The following FAM210B variants were observed in gnomAD, a reference collection of about 807,000 sequenced individuals.
FAM210B encodes mitochondrial inner membrane scaffold 2.
In FAM210B, 11 loss-of-function variants were observed where a neutral mutation model predicts 14.9. That is an observed-to-expected ratio of 0.74 (90% CI 0.46 to 1.22). The LOEUF is 1.22. FAM210B is among the 50% of genes most tolerant of loss of function. The probability of loss-of-function intolerance (pLI) is 0.00; values close to 1 mark genes in which losing one functional copy is unlikely to be tolerated. For missense variants in FAM210B, 229 were observed against 250.1 expected (o/e 0.92, Z 0.57); for synonymous variants, 113 against 110.2 (o/e 1.03, Z -0.16).
At chr20:56,364,991 G>A (rs1983600501) in intron 1 of FAM210B, 96 bp from the exon 2 acceptor site, 2 of 1,186,718 alleles carry the variant, frequency 1.7e-6, no homozygotes, top group African/African-American at 1.5e-5. Context: ...CTCTCATCCA[G>A]CAGGAAAGAG....
chr20:56,365,802 C>T (rs184020497), intron 2 of FAM210B, among the ~76,000 whole-genome samples: 111 of 152,006 alleles, frequency 7.3e-4, no homozygotes, highest in African/African-American at 2.6e-3. Context: ...CGCGTCAGGC[C>T]GATTGTATGT....
Position 56,366,369 on chromosome 20 carries a change from AG to A in FAM210B, c.*85del. 7.0e-7 allele frequency: 1 copy of A among 1,427,368 alleles called. No individual in the cohort carries two copies. Among genetic ancestry groups the A allele is most frequent in the Non-Finnish European group, 9.7e-7 (1 of 1,031,022 alleles). 88.4% of individuals were successfully genotyped at this position (1,427,368 alleles called of 1,614,324 possible). A position where few individuals can be genotyped will look rare whatever the true frequency, so the allele number is the denominator to read the frequency against. Reference sequence around the variant, plus strand: ...ATTGGTTTTAGGGTTTTAGGGTTGTAGGGTTTCTTTTGGAGAGGTAGGGGGC... The same window carrying A: ...ATTGGTTTTAGGGTTTTAGGGTTGTAGGTTTCTTTTGGAGAGGTAGGGGGC... On this transcript the variant is annotated 3_prime_UTR_variant, in exon 3 of 3. Coordinates refer to ENST00000371384, the MANE Select transcript of FAM210B (RefSeq NM_080821.3).
chr20:56,364,772 G>T (rs1303675711), intron 1 of FAM210B, among the ~76,000 whole-genome samples: 2 of 152,164 alleles, frequency 1.3e-5, no homozygotes, highest in Non-Finnish European at 2.9e-5. Flanking sequence ...GGCTAACACA[G>T]TGAAACCCCA....
In FAM210B at chr20:56,367,538, C is replaced by G. The variant is rs547492673; in HGVS notation, c.*1251C>G. The G allele has an allele frequency of 2.6e-5, 4 of 152,470 alleles. No individual in the cohort carries two copies. The East Asian group carries it at 7.7e-4, about 29-fold the overall frequency. The allele number at this position is 152,470 out of a possible 1,614,324, so 9.4% of individuals were successfully genotyped here. Reference sequence around the variant, plus strand: ...CCTGTAGTCCCAGCTACTGGGGAGGCTGAGGCAGCATTGCTTGAACCCAGG... The same window carrying G: ...CCTGTAGTCCCAGCTACTGGGGAGGGTGAGGCAGCATTGCTTGAACCCAGG... On this transcript the variant is annotated 3_prime_UTR_variant, in exon 3 of 3. Transcript: ENST00000371384.
At position 56,359,139 on chromosome 20, in the gene FAM210B, GGCTAGACGCCCGGCT is replaced by G. The variant is rs1983481449; in HGVS notation, c.138_152del (p.Asp47_Leu51del). Reference sequence around the variant, plus strand: ...CTGGCCCTGGCCCTGCTCCCGCCCAGGCTAGACGCCCGGCTGCTCCGCACGGCGCGCGGGGACTGC... The same window carrying G: ...CTGGCCCTGGCCCTGCTCCCGCCCAGGCTCCGCACGGCGCGCGGGGACTGC... On this transcript the variant is annotated inframe_deletion, in exon 1 of 3. Transcript: ENST00000371384. This position sits in a 1 kb window ranked among gnomAD's most constrained non-coding sequence, Gnocchi z 4.3. 7.1e-6 allele frequency: 9 copies of G among 1,266,604 alleles called. No individual in the cohort carries two copies. Among genetic ancestry groups the G allele is most frequent in the Non-Finnish European group, 8.9e-6 (9 of 1,012,988 alleles). 78.5% of individuals were successfully genotyped at this position (1,266,604 alleles called of 1,614,324 possible).
chr20:56,362,398 A>ACGCCGT lies in FAM210B; in HGVS notation c.187-2687_187-2682dup, dbSNP rs1163285511. Among the ~76,000 whole-genome samples, 1 of 152,156 alleles carries ACGCCGT rather than the reference A, an allele frequency of 6.6e-6. No individual in the cohort carries two copies. The highest frequency in any genetic ancestry group is 1.9e-4 in the East Asian group (1 of 5,198). On this transcript the variant is annotated intron_variant, in intron 1 of 2. Coordinates refer to ENST00000371384, the MANE Select transcript of FAM210B (RefSeq NM_080821.3). This position sits in a 1 kb window ranked among gnomAD's most constrained non-coding sequence, Gnocchi z 4.8. Reference sequence around the variant, plus strand: ...GCTGAGTACAGACAGAAGATGTGTCACGCCGTCCTGTGCATTCAGGACAGT... The same window carrying ACGCCGT: ...GCTGAGTACAGACAGAAGATGTGTCACGCCGTCGCCGTCCTGTGCATTCAGGACAGT...
intron 1 of FAM210B, among the ~76,000 whole-genome samples, chr20:56,361,151 G>A (rs999068714): frequency 3.3e-5 from 5 of 152,178 alleles, no homozygotes; most frequent in Non-Finnish European, 5.9e-5. Flanking sequence ...GACGTAGGGG[G>A]AGTTCAGGCA....
chr20:56,361,286 G>T (rs1312364856), intron 1 of FAM210B, among the ~76,000 whole-genome samples: 2 of 152,058 alleles, frequency 1.3e-5, no homozygotes, highest in Non-Finnish European at 2.9e-5. Context: ...CCTGTCTCCC[G>T]CCCCATTGGT....
chr20:56,362,850 C>T lies in FAM210B; in HGVS notation c.187-2237C>T, dbSNP rs1024321548. Among the ~76,000 whole-genome samples, 8 of 152,240 alleles carry T rather than the reference C, an allele frequency of 5.3e-5. No homozygotes were observed. The highest frequency in any genetic ancestry group is 1.7e-4 in the African/African-American group (7 of 41,464). On this transcript the variant is annotated intron_variant, in intron 1 of 2. Coordinates refer to ENST00000371384, the MANE Select transcript of FAM210B (RefSeq NM_080821.3). The surrounding 1 kb of genome is among the most constrained non-coding windows in gnomAD (Gnocchi z 4.8). ...GGGCCCTCGCAGAGACAGCTGCAGTCGGTCCAGTGATTGGACAGAATGGGG... is the reference window on the plus strand; with the variant it reads ...GGGCCCTCGCAGAGACAGCTGCAGTTGGTCCAGTGATTGGACAGAATGGGG...
chr20:56,361,716 C>T (rs1983535905), intron 1 of FAM210B, among the ~76,000 whole-genome samples: 1 of 152,180 alleles, frequency 6.6e-6, no homozygotes, highest in African/African-American at 2.4e-5. Flanking sequence ...GTGGCTCACG[C>T]CTGTAATCCC....
rs774302500 is a variant in FAM210B at position 56,363,652 on chromosome 20, A to G, written c.187-1435A>G. ...CTCCCCTAATGTGGGTGAGGTTGGT[A>G]TTTTTGTTTCTCCCACACATTCCAG... On this transcript the variant is annotated intron_variant, in intron 1 of 2. Coordinates refer to ENST00000371384, the MANE Select transcript of FAM210B (RefSeq NM_080821.3). This position sits in a 1 kb window ranked among gnomAD's most constrained non-coding sequence, Gnocchi z 4.1. Among the ~76,000 whole-genome samples the G allele has an allele frequency of 6.6e-6, 1 of 151,930 alleles. No individual in the cohort carries two copies.
In FAM210B at chr20:56,366,078, G is replaced by A. The variant is rs1983628182; in HGVS notation, c.370G>A (p.Asp124Asn). 2 of 1,613,884 alleles carry A rather than the reference G, an allele frequency of 1.2e-6. No homozygotes were observed. Among genetic ancestry groups the A allele is most frequent in the Non-Finnish European group, 1.7e-6 (2 of 1,179,848 alleles). Residue 124 changes from aspartate (D) to asparagine (N), a missense_variant, in exon 3 of 3, where the codon GAC becomes AAC. Physicochemically the swap from Asp to Asn is conservative, Grantham distance 23. Around this residue, in one of 3 missense-constraint regions of FAM210B, gnomAD observed 32 missense variants for 62.2 expected, o/e 0.51. Coordinates refer to ENST00000371384, the MANE Select transcript of FAM210B (RefSeq NM_080821.3). ...TTGCTTCTTCCCCCCTAGTGGTGTG[G>A]ACATGCCTGCAATCCTGCTGAAACT... Reference protein sequence around the residue: ...IFYMVVSSGVDMPAILLKLGF... With the variant: ...IFYMVVSSGVNMPAILLKLGF...
In FAM210B at chr20:56,363,240, T is replaced by G. The variant is rs1361235600; in HGVS notation, c.187-1847T>G. On this transcript the variant is annotated intron_variant, in intron 1 of 2. Coordinates refer to ENST00000371384, the MANE Select transcript of FAM210B (RefSeq NM_080821.3). The surrounding 1 kb of genome is among the most constrained non-coding windows in gnomAD (Gnocchi z 4.1). ...GAGTACCACAGAGGCTGAGGCCTGG[T>G]GGTCACCAGCCCAGTCACCAGTCCA... Among the ~76,000 whole-genome samples, 3 of 152,176 alleles carry G rather than the reference T, an allele frequency of 2.0e-5. No homozygotes were observed. The highest frequency in any genetic ancestry group is 7.2e-5 in the African/African-American group (3 of 41,430).
At position 56,359,117 on chromosome 20, in the gene FAM210B, G is replaced by T. The variant is rs1315892794; in HGVS notation, c.112G>T (p.Ala38Ser). 4 of 1,311,762 alleles carry T rather than the reference G, an allele frequency of 3.0e-6. No homozygotes were observed. In the South Asian group the frequency reaches 8.7e-5, roughly 28 times the overall value. The allele number at this position is 1,311,762 out of a possible 1,614,324, so 81.3% of individuals were successfully genotyped here. A position where few individuals can be genotyped will look rare whatever the true frequency, so the allele number is the denominator to read the frequency against. The stretch of plus-strand genomic sequence containing the variant: ...CGCCCCCTGCGCCCCGCCGCCCCTG[G>T]CCCTGGCCCTGCTCCCGCCCAGGCT... ...ATAPCAPPPL[A>S]LALLPPRLDA... is the part of the protein sequence containing the mutation. The change falls in exon 1 of 3, where the codon GCC becomes TCC. Residue 38 changes from alanine to serine, a missense_variant. Around this residue, in one of 3 missense-constraint regions of FAM210B, gnomAD observed 144 missense variants for 132.5 expected, o/e 1.09. Transcript: ENST00000371384. The surrounding 1 kb of genome is among the most constrained non-coding windows in gnomAD (Gnocchi z 4.3).
intron 1 of FAM210B, 29 bp from the exon 2 acceptor site, chr20:56,365,058 G>A: frequency 6.3e-7 from 1 of 1,597,562 alleles, no homozygotes; most frequent in Non-Finnish European, 8.5e-7. Context: ...CTGCCCTAAA[G>A]CACCTCCTCT....
chr20:56,361,411 T>C (rs1331539463), intron 1 of FAM210B, among the ~76,000 whole-genome samples: 1 of 152,140 alleles, frequency 6.6e-6, no homozygotes, highest in Non-Finnish European at 1.5e-5. Context: ...TGTCAGTTTT[T>C]TCCATTGCTC....
chr20:56,366,318 T>C lies in FAM210B; in HGVS notation c.*31T>C. 1 of 1,598,132 alleles carries C rather than the reference T, an allele frequency of 6.3e-7. No individual in the cohort carries two copies. The highest frequency in any genetic ancestry group is 8.6e-7 in the Non-Finnish European group (1 of 1,166,152). On this transcript the variant is annotated 3_prime_UTR_variant, in exon 3 of 3. Transcript: ENST00000371384. Reference sequence around the variant, plus strand: ...TCTTCAGTCGTACACACTGAAAACCTATTTCTTCTAAATTACATGATTTGG... The same window carrying C: ...TCTTCAGTCGTACACACTGAAAACCCATTTCTTCTAAATTACATGATTTGG...
At position 56,367,089 on chromosome 20, in the gene FAM210B, A is replaced by G. The variant is rs1279523354; in HGVS notation, c.*802A>G. 2.6e-5 allele frequency: 4 copies of G among 152,594 alleles called. No individual in the cohort carries two copies. The highest frequency in any genetic ancestry group is 1.9e-4 in the East Asian group (1 of 5,198). The allele number at this position is 152,594 out of a possible 1,614,324, so 9.5% of individuals were successfully genotyped here. On this transcript the variant is annotated 3_prime_UTR_variant, in exon 3 of 3. Coordinates refer to ENST00000371384, the MANE Select transcript of FAM210B (RefSeq NM_080821.3). ...CTCAGCTTTTCTTAGACAATCTTCTATCTCAAACTTCAGACATTCCAGAAT... is the reference window on the plus strand; with the variant it reads ...CTCAGCTTTTCTTAGACAATCTTCTGTCTCAAACTTCAGACATTCCAGAAT...
Position 56,368,558 on chromosome 20 carries a change from A to C in FAM210B, c.*2271A>C, listed in dbSNP as rs763687596. 6.6e-6 allele frequency: 1 copy of C among 152,256 alleles called. No individual in the cohort carries two copies. Among genetic ancestry groups the C allele is most frequent in the Non-Finnish European group, 1.5e-5 (1 of 68,058 alleles). The allele number at this position is 152,256 out of a possible 1,614,324, so 9.4% of individuals were successfully genotyped here. A position where few individuals can be genotyped will look rare whatever the true frequency, so the allele number is the denominator to read the frequency against. ...GAGAAGACAAGGAGGTCAAAGGATC[A>C]GGGAACTAAGCATTATGTGAATTCA... On this transcript the variant is annotated 3_prime_UTR_variant, in exon 3 of 3. Transcript: ENST00000371384.
Sources: gnomAD v4.1 joint callset for allele counts (sites outside exome capture counted in the v4.1 genomes callset) on GRCh38, gnomAD v4.1.1 for gene constraint, gnomAD v4.1.1 regional missense constraint, Gnocchi (gnomAD v3.1) non-coding constraint, MANE v1.5 for transcripts, NCBI Gene and HGNC (gene_info 2026-07-23, HGNC 2026-07-21) for gene names.